The following DAB2IP variants were observed in gnomAD, a reference collection of about 807,000 sequenced individuals.
The protein encoded by DAB2IP is disabled homolog 2-interacting protein.
A neutral mutation model predicts 107.2 loss-of-function variants in DAB2IP; 28 were observed. The observed-to-expected ratio is 0.26, with a 90% CI of 0.19 to 0.36. The LOEUF is 0.36. DAB2IP is among the 10% of genes least tolerant of loss of function. The pLI is 1.00. For synonymous variants in DAB2IP, 755 were observed against 706.4 expected, an observed-to-expected ratio of 1.07 and a Z score of -1.09; for missense variants, 1,400 against 1,644.7, an observed-to-expected ratio of 0.85 and a Z score of 2.57.
At chr9:121,623,355 TTTG>T (rs1000536453) in intron 1 of DAB2IP, among the ~76,000 whole-genome samples, 5 of 152,082 alleles carry the variant, frequency 3.3e-5, no homozygotes, top group Admixed American at 6.5e-5. Context: ...AGAGTTCAGT[TTTG>T]TTGTTGTTGT....
chr9:121,767,153 G>C (rs1168931707), intron 9 of DAB2IP, among the ~76,000 whole-genome samples: 1 of 152,206 alleles, frequency 6.6e-6, no homozygotes, highest in Non-Finnish European at 1.5e-5. Flanking sequence ...CACCATCCTG[G>C]TGTCAGGCTA....
At chr9:121,640,216 G>A (rs1443283252) in intron 1 of DAB2IP, among the ~76,000 whole-genome samples, 4 of 152,144 alleles carry the variant, frequency 2.6e-5, no homozygotes, top group African/African-American at 7.2e-5. Context: ...AGGGGGCAGC[G>A]CAGATCAGCA....
chr9:121,648,709 C>T (rs1255224451), upstream of DAB2IP, among the ~76,000 whole-genome samples: 6 of 152,184 alleles, frequency 3.9e-5, no homozygotes, highest in Non-Finnish European at 7.3e-5. Flanking sequence ...GCCCTGTCCC[C>T]GCTAAAGCAG....
intron 11 of DAB2IP, among the ~76,000 whole-genome samples, chr9:121,771,556 G>A (rs973966602): frequency 2.4e-4 from 36 of 152,176 alleles, no homozygotes; most frequent in African/African-American, 8.7e-4. Flanking sequence ...TCTGTTCAGT[G>A]AGTGTGCCAA....
chr9:121,590,389 T>C (rs371771369), intron 1 of DAB2IP, among the ~76,000 whole-genome samples: 2 of 151,886 alleles, frequency 1.3e-5, no homozygotes, highest in East Asian at 3.9e-4. Context: ...GAGTTTCACT[T>C]CCATCATCAG....
At chr9:121,602,732 C>A (rs138170878) in intron 1 of DAB2IP, among the ~76,000 whole-genome samples, 1 of 152,062 alleles carries the variant, frequency 6.6e-6, no homozygotes, top group Non-Finnish European at 1.5e-5. Context: ...CCCGCCACCA[C>A]GCCCGGCTAA....
At chr9:121,568,813 G>A (rs1829866264) in intron 1 of DAB2IP, among the ~76,000 whole-genome samples, 2 of 152,224 alleles carry the variant, frequency 1.3e-5, no homozygotes, top group Non-Finnish European at 2.9e-5. Context: ...GGAACCCACA[G>A]TCCCCACTTG....
chr9:121,733,013 C>T (rs572986281), intron 3 of DAB2IP, among the ~76,000 whole-genome samples: 1 of 152,306 alleles, frequency 6.6e-6, no homozygotes, highest in South Asian at 2.1e-4. Context: ...CCTGAGTTGG[C>T]CCTCAATCTA....
intron 3 of DAB2IP, among the ~76,000 whole-genome samples, chr9:121,755,682 C>T (rs71509577): frequency 0.028 from 4,267 of 152,276 alleles, 89 homozygotes; most frequent in Middle Eastern, 0.071. Context: ...CTACTGTCAG[C>T]CTGAGTCCCT....
At chr9:121,571,777 G>GT (rs1188747593) in intron 1 of DAB2IP, among the ~76,000 whole-genome samples, 1 of 152,100 alleles carries the variant, frequency 6.6e-6, no homozygotes, top group African/African-American at 2.4e-5. Context: ...CCTATTGGGT[G>GT]GTCTGGCGGT....
At chr9:121,667,733 A>G (rs575153557) in intron 1 of DAB2IP, among the ~76,000 whole-genome samples, 16 of 151,476 alleles carry the variant, frequency 1.1e-4, no homozygotes, top group African/African-American at 3.6e-4. Flanking sequence ...CCTGACCTCA[A>G]GTGATCTGCC....
intron 2 of DAB2IP, among the ~76,000 whole-genome samples, chr9:121,683,359 C>T (rs957891582): frequency 3.9e-5 from 6 of 152,106 alleles, no homozygotes; most frequent in African/African-American, 1.4e-4. Context: ...CTGTTGCGGG[C>T]TGGGTCCTTC....
At chr9:121,642,026 TCTC>T (rs1564128857) in intron 1 of DAB2IP, among the ~76,000 whole-genome samples, 10 of 37,440 alleles carry the variant, frequency 2.7e-4, no homozygotes, top group African/African-American at 7.7e-4. Context: ...TCTCTCTCTC[TCTC>T]TCTTTCTTTC....
At position 121,635,015 on chromosome 9, in the gene DAB2IP, T is replaced by A. The variant is rs1288210010; in HGVS notation, c.41-43663T>A. ...GCCCACCCAGCCTCAGACCTGTGTA[T>A]ATGTGTGTGTGTGTGCGCGTGCGTG... On this transcript the variant is annotated intron_variant, in intron 1 of 16. Transcript: ENST00000259371. This position sits in a 1 kb window ranked among gnomAD's most constrained non-coding sequence, Gnocchi z 4.3. Among the ~76,000 whole-genome samples the A allele has an allele frequency of 1.3e-5, 2 of 152,078 alleles. No individual in the cohort carries two copies. The highest frequency in any genetic ancestry group is 4.8e-5 in the African/African-American group (2 of 41,428).
chr9:121,732,542 A>C (rs951835209), intron 3 of DAB2IP, among the ~76,000 whole-genome samples: 1 of 151,978 alleles, frequency 6.6e-6, no homozygotes, highest in Non-Finnish European at 1.5e-5. Flanking sequence ...GGGGGAACTG[A>C]ATAGGTGGTG....
intron 3 of DAB2IP, among the ~76,000 whole-genome samples, chr9:121,755,370 C>G (rs994252669): frequency 2.6e-5 from 4 of 152,236 alleles, no homozygotes; most frequent in Non-Finnish European, 4.4e-5. Context: ...ACGGGAAGCC[C>G]CAGGTGGGAG....
intron 11 of DAB2IP, 148 bp downstream of exon 11, chr9:121,770,872 T>TTCACCACTTA: frequency 9.0e-7 from 1 of 1,110,878 alleles, no homozygotes; most frequent in Non-Finnish European, 1.2e-6. Flanking sequence ...TCCTAAGTGG[T>TTCACCACTTA]GAACCTCCAT....
At chr9:121,723,060 C>T (rs1011309381) in intron 3 of DAB2IP, among the ~76,000 whole-genome samples, 3 of 152,338 alleles carry the variant, frequency 2.0e-5, no homozygotes, top group Middle Eastern at 3.4e-3. Flanking sequence ...TGCAGAAGGA[C>T]TGAGGGAGCC....
At chr9:121,567,535 CT>C (rs1395339048) in intron 1 of DAB2IP, among the ~76,000 whole-genome samples, 1 of 152,232 alleles carries the variant, frequency 6.6e-6, no homozygotes. Flanking sequence ...TGCAGCCCCC[CT>C]GCCTGTCTGC....
Sources: allele counts gnomAD v4.1 joint callset (sites outside exome capture counted in the v4.1 genomes callset), GRCh38; gene constraint gnomAD v4.1.1; non-coding constraint Gnocchi (gnomAD v3.1); transcripts MANE v1.5; gene names NCBI Gene and HGNC (gene_info 2026-07-23, HGNC 2026-07-21).